Variants in DLGAP2 observed in about 807,000 individuals in gnomAD.
DLGAP2 encodes the protein disks large-associated protein 2.
Under a neutral mutation model 100.3 loss-of-function variants are expected in DLGAP2, and 26 were observed. The ratio of observed to expected loss-of-function variants is 0.26; its 90% CI spans 0.19 to 0.36. The LOEUF (loss-of-function observed/expected upper bound fraction) is 0.36, where lower values mean the gene tolerates loss of function less well. Ranked by LOEUF, DLGAP2 falls within the 10% of genes least tolerant of loss-of-function variation. DLGAP2 has a pLI of 1.00. For synonymous variants in DLGAP2, 886 were observed against 630.1 expected (o/e 1.41, Z -6.08); for missense variants, 1,858 against 1,453.2 (o/e 1.28, Z -4.53).
intron 2 of DLGAP2, among the ~76,000 whole-genome samples, chr8:1,023,976 C>T (rs957790402): frequency 2.0e-5 from 3 of 151,006 alleles, no homozygotes; most frequent in African/African-American, 7.3e-5. Flanking sequence ...GCACCTTCCC[C>T]TTTTTCTCAG....
intron 2 of DLGAP2, among the ~76,000 whole-genome samples, chr8:1,254,548 A>C (rs1799127683): frequency 1.3e-5 from 2 of 151,898 alleles, no homozygotes; most frequent in Non-Finnish European, 2.9e-5. Flanking sequence ...GGCAGCACTG[A>C]CTTTTTGTTT....
At chr8:1,451,086 C>G (rs1317348772) in intron 3 of DLGAP2, among the ~76,000 whole-genome samples, 2 of 152,100 alleles carry the variant, frequency 1.3e-5, no homozygotes, top group African/African-American at 4.8e-5. Flanking sequence ...ATGAGTAACA[C>G]ATATCCTACT....
chr8:1,069,564 T>A (rs948128136), intron 2 of DLGAP2, among the ~76,000 whole-genome samples: 2 of 152,196 alleles, frequency 1.3e-5, no homozygotes, highest in Non-Finnish European at 2.9e-5. Flanking sequence ...GAGTCCGAGC[T>A]TTACTGTCCC....
At position 1,548,868 on chromosome 8, in the gene DLGAP2, A is replaced by T. The variant is rs1801650150; in HGVS notation, c.415A>T (p.Ser139Cys). Reference sequence around the variant, plus strand: ...GGGGCGCCACCGCTGCTCGCCGCGCAGCTCGGTGCACTCGGAGTGCGTGAT... The same window carrying T: ...GGGGCGCCACCGCTGCTCGCCGCGCTGCTCGGTGCACTCGGAGTGCGTGAT... ...PGGRHRCSPRSSVHSECVMMP... is the reference protein window; with the variant it reads ...PGGRHRCSPRCSVHSECVMMP... Residue 139 changes from serine to cysteine, a missense_variant, in exon 5 of 15, where the codon AGC (serine) becomes TGC (cysteine). Physicochemically the swap from Ser to Cys is moderately radical, Grantham distance 112 (BLOSUM62 -1). Transcript: ENST00000637795. 2 of 1,590,176 alleles carry T rather than the reference A, an allele frequency of 1.3e-6. No individual in the cohort carries two copies. Among genetic ancestry groups the T allele is most frequent in the Middle Eastern group, 1.7e-4 (1 of 5,942 alleles).
chr8:1,660,504 C>G (rs979459540), intron 8 of DLGAP2, among the ~76,000 whole-genome samples: 1 of 152,150 alleles, frequency 6.6e-6, no homozygotes, highest in East Asian at 1.9e-4. Flanking sequence ...ACACACAGAT[C>G]CCCCTTGACC....
At chr8:1,018,374 G>T (rs746237200) in intron 2 of DLGAP2, among the ~76,000 whole-genome samples, 56 of 152,156 alleles carry the variant, frequency 3.7e-4, no homozygotes, top group Non-Finnish European at 3.8e-4. Flanking sequence ...ATTCTATTTC[G>T]CATTAGGTTG....
chr8:1,307,909 C>T (rs1800527228), intron 3 of DLGAP2, among the ~76,000 whole-genome samples: 1 of 151,610 alleles, frequency 6.6e-6, no homozygotes, highest in South Asian at 2.1e-4. Context: ...TACAGAGTTT[C>T]ACATGAGGAA....
chr8:1,562,320 C>G lies in DLGAP2; in HGVS notation c.1231-3363C>G, dbSNP rs1388239001. Among the ~76,000 whole-genome samples, 4 of 23,576 alleles carry G rather than the reference C, an allele frequency of 1.7e-4. 1 individual carries two copies. Among genetic ancestry groups the G allele is most frequent in the Non-Finnish European group, 3.0e-4 (4 of 13,476 alleles). The allele number at this position is 23,576 out of a possible 152,430, so 15.5% of individuals were successfully genotyped here. ...GGGGACTGTGTGGTGTTGGGGTGTC[C>G]GCGCCTCGTTACTGGGGGACTGTGT... On this transcript the variant is annotated intron_variant, in intron 5 of 14. Transcript: ENST00000637795.
intron 3 of DLGAP2, among the ~76,000 whole-genome samples, chr8:1,372,889 T>G (rs1159634132): frequency 6.6e-6 from 1 of 152,226 alleles, no homozygotes; most frequent in Non-Finnish European, 1.5e-5. Context: ...TTGTGAAATC[T>G]TAGGGATTCA....
At chr8:1,545,555 A>G (rs1476213693) in intron 4 of DLGAP2, among the ~76,000 whole-genome samples, 1 of 152,224 alleles carries the variant, frequency 6.6e-6, no homozygotes, top group Non-Finnish European at 1.5e-5. Context: ...TCATTTTCAC[A>G]AAAAGAAATT....
intron 5 of DLGAP2, among the ~76,000 whole-genome samples, 151 bp downstream of exon 5, chr8:1,549,834 A>G (rs191598605): frequency 2.0e-5 from 3 of 152,352 alleles, no homozygotes; most frequent in East Asian, 1.9e-4. Flanking sequence ...GGACAGCTCC[A>G]CTGAGCTGTT....
chr8:1,506,161 A>G (rs868050693), intron 4 of DLGAP2, among the ~76,000 whole-genome samples: 2 of 152,176 alleles, frequency 1.3e-5, no homozygotes, highest in Non-Finnish European at 2.9e-5. Flanking sequence ...AAGTGCACCA[A>G]TGTCTCATTC....
At chr8:1,290,807 A>C (rs1236424660) in intron 3 of DLGAP2, among the ~76,000 whole-genome samples, 1 of 152,240 alleles carries the variant, frequency 6.6e-6, no homozygotes, top group Non-Finnish European at 1.5e-5. Context: ...CTGTCAACAT[A>C]AACAATACTG....
chr8:1,314,540 A>AC (rs1339265981), intron 3 of DLGAP2, among the ~76,000 whole-genome samples: 1 of 152,154 alleles, frequency 6.6e-6, no homozygotes, highest in Non-Finnish European at 1.5e-5. Context: ...TGGCCGAGTT[A>AC]CCCTCCAGCC....
At chr8:1,618,256 A>C (rs1000511079) in intron 6 of DLGAP2, among the ~76,000 whole-genome samples, 1 of 152,262 alleles carries the variant, frequency 6.6e-6, no homozygotes, top group African/African-American at 2.4e-5. Flanking sequence ...AGATCATGCC[A>C]TTCATCAAGG....
chr8:1,668,090 C>T (rs1377493797), intron 8 of DLGAP2, among the ~76,000 whole-genome samples: 1 of 152,230 alleles, frequency 6.6e-6, no homozygotes, highest in African/African-American at 2.4e-5. Flanking sequence ...TGCAGGGACG[C>T]ACCTTGCTTA....
chr8:1,416,266 T>C (rs574143665), intron 3 of DLGAP2, among the ~76,000 whole-genome samples: 4 of 152,302 alleles, frequency 2.6e-5, no homozygotes, highest in African/African-American at 9.6e-5. Context: ...CAGCCCGGCC[T>C]GGCGGGGGAT....
intron 2 of DLGAP2, among the ~76,000 whole-genome samples, chr8:1,049,419 G>T (rs945199030): frequency 6.6e-6 from 1 of 152,034 alleles, no homozygotes; most frequent in Non-Finnish European, 1.5e-5. Flanking sequence ...TTGGTCAGCG[G>T]CCACTGTTGG....
chr8:822,485 T>C (rs1334196053), intron 1 of DLGAP2, among the ~76,000 whole-genome samples: 1 of 152,166 alleles, frequency 6.6e-6, no homozygotes, highest in Non-Finnish European at 1.5e-5. Flanking sequence ...ATGCGCACAG[T>C]GTTTCTGCTG....
Sources: allele counts gnomAD v4.1 joint callset (sites outside exome capture counted in the v4.1 genomes callset), GRCh38; gene constraint gnomAD v4.1.1; transcripts MANE v1.5; gene names NCBI Gene and HGNC (gene_info 2026-07-23, HGNC 2026-07-21).